PPP2R3A: variants seen among roughly 807,000 people sequenced by gnomAD.
PPP2R3A encodes the protein protein phosphatase 2 regulatory subunit B''alpha.
PPP2R3A carries 80 observed loss-of-function variants against 106.9 expected under a neutral mutation model. The observed-to-expected ratio is 0.75, with a 90% CI of 0.62 to 0.90. The LOEUF (loss-of-function observed/expected upper bound fraction) is 0.90, where lower values mean the gene tolerates loss of function less well. Ranked by LOEUF, PPP2R3A falls within the 40% of genes least tolerant of loss-of-function variation. PPP2R3A has a pLI of 0.00. For synonymous variants in PPP2R3A, 483 were observed against 468.3 expected, an observed-to-expected ratio of 1.03 and a Z score of -0.41; for missense variants, 1,386 against 1,350.4, an observed-to-expected ratio of 1.03 and a Z score of -0.41.
At chr3:136,065,268 TGTA>T (rs1936229073) in intron 5 of PPP2R3A, among the ~76,000 whole-genome samples, 2 of 152,152 alleles carry the variant, frequency 1.3e-5, no homozygotes, top group South Asian at 4.1e-4. Flanking sequence ...CTAATTATAA[TGTA>T]GTTTTTAATT....
chr3:136,079,759 T>C (rs1253209249), intron 7 of PPP2R3A, among the ~76,000 whole-genome samples: 1 of 151,980 alleles, frequency 6.6e-6, no homozygotes, highest in Non-Finnish European at 1.5e-5. Context: ...TTTTTTTTTT[T>C]TACCAGTGAT....
chr3:135,993,845 A>T (rs1338809717), intron 1 of PPP2R3A, among the ~76,000 whole-genome samples: 4 of 152,242 alleles, frequency 2.6e-5, no homozygotes. Context: ...AGAGAAAAGT[A>T]CATATGTAAT....
Position 136,078,435 on chromosome 3 carries a change from A to G in PPP2R3A, c.2613A>G (p.Arg871=). ...GAAAAATTACTTCGACAGAGATAAG[A>G]AAAAGCAACTTTTTGCAAGTATGCC... The part of the protein sequence containing the change: ...WSGKITSTEI[R]KSNFLQTLAL... Residue 871 remains arginine (R), a synonymous_variant, in exon 7 of 14, where the codon AGA becomes AGG. Transcript: ENST00000264977. 6.2e-7 allele frequency: 1 copy of G among 1,603,702 alleles called. No homozygotes were observed. Among genetic ancestry groups the G allele is most frequent in the Non-Finnish European group, 8.5e-7 (1 of 1,171,296 alleles).
At chr3:136,096,169 C>T (rs745332176) in intron 10 of PPP2R3A, among the ~76,000 whole-genome samples, 1 of 152,124 alleles carries the variant, frequency 6.6e-6, no homozygotes, top group African/African-American at 2.4e-5. Flanking sequence ...GTGCATGTGG[C>T]TTTCACCCCA....
chr3:136,029,081 G>T (rs545746520), intron 3 of PPP2R3A, among the ~76,000 whole-genome samples: 9 of 152,158 alleles, frequency 5.9e-5, no homozygotes, highest in Admixed American at 3.9e-4. Context: ...TCAAACTCCC[G>T]ACCTCAGGTT....
At chr3:136,003,972 A>G (rs757690638) in intron 2 of PPP2R3A, among the ~76,000 whole-genome samples, 1 of 152,216 alleles carries the variant, frequency 6.6e-6, no homozygotes, top group Non-Finnish European at 1.5e-5. Flanking sequence ...GAGAGAAGAC[A>G]TGATTCTTTA....
intron 7 of PPP2R3A, chr3:136,079,000 ATTG>A: frequency 3.8e-6 from 1 of 264,048 alleles, no homozygotes; most frequent in Non-Finnish European, 7.8e-6. Flanking sequence ...TTCATGCCTG[ATTG>A]TTTAAGCTTC....
At chr3:135,997,178 T>C (rs1246579638) in intron 1 of PPP2R3A, among the ~76,000 whole-genome samples, 2 of 152,158 alleles carry the variant, frequency 1.3e-5, no homozygotes, top group African/African-American at 2.4e-5. Flanking sequence ...AAAAAACTAA[T>C]GGAAAATCTA....
intron 13 of PPP2R3A, among the ~76,000 whole-genome samples, chr3:136,129,046 A>G (rs1357033298): frequency 1.3e-5 from 2 of 152,196 alleles, no homozygotes; most frequent in Admixed American, 6.5e-5. Context: ...TATAGCGCTA[A>G]ATGCCCACAA....
chr3:136,105,964 AG>A (rs1465664672), intron 12 of PPP2R3A, among the ~76,000 whole-genome samples: 3 of 152,132 alleles, frequency 2.0e-5, no homozygotes, highest in Non-Finnish European at 4.4e-5. Context: ...TATCTCAAAA[AG>A]AAAAAAAAAG....
At chr3:136,076,122 TGAAAA>T (rs1936585887) in intron 6 of PPP2R3A, among the ~76,000 whole-genome samples, 1 of 152,200 alleles carries the variant, frequency 6.6e-6, no homozygotes, top group Non-Finnish European at 1.5e-5. Context: ...GGTGAAAAGA[TGAAAA>T]GAAACCCAGC....
At chr3:135,992,776 C>A (rs185127422) in intron 1 of PPP2R3A, among the ~76,000 whole-genome samples, 2 of 151,956 alleles carry the variant, frequency 1.3e-5, no homozygotes, top group African/African-American at 4.8e-5. Context: ...TGAGAGGAAG[C>A]GCCAGATAAA....
At chr3:136,064,768 A>G (rs559582818) in intron 5 of PPP2R3A, among the ~76,000 whole-genome samples, 138 of 152,322 alleles carry the variant, frequency 9.1e-4, no homozygotes, top group African/African-American at 2.9e-3. Flanking sequence ...GTCAGAAACA[A>G]TCTCCTTTGA....
intron 10 of PPP2R3A, among the ~76,000 whole-genome samples, chr3:136,098,152 A>T (rs1937259165): frequency 6.6e-6 from 1 of 152,178 alleles, no homozygotes; most frequent in Non-Finnish European, 1.5e-5. Flanking sequence ...ATCTCTACAA[A>T]AAGTTTTTAA....
At chr3:136,066,803 C>T (rs1936273934) in intron 5 of PPP2R3A, among the ~76,000 whole-genome samples, 1 of 152,076 alleles carries the variant, frequency 6.6e-6, no homozygotes, top group African/African-American at 2.4e-5. Flanking sequence ...AGTCACCTTC[C>T]ACCAGGCCCC....
intron 3 of PPP2R3A, among the ~76,000 whole-genome samples, chr3:136,039,323 G>A (rs1418550004): frequency 1.3e-5 from 2 of 152,132 alleles, no homozygotes; most frequent in African/African-American, 2.4e-5. Flanking sequence ...TCCACATTTG[G>A]GATATGTTTT....
intron 1 of PPP2R3A, among the ~76,000 whole-genome samples, chr3:135,975,933 C>T (rs894589280): frequency 1.1e-4 from 17 of 152,176 alleles, no homozygotes; most frequent in African/African-American, 4.1e-4. Context: ...TTCATACCCT[C>T]ACCAATTTGT....
intron 13 of PPP2R3A, among the ~76,000 whole-genome samples, chr3:136,137,581 G>T: frequency 1.2e-5 from 1 of 86,780 alleles, no homozygotes; most frequent in Non-Finnish European, 2.5e-5. Flanking sequence ...TCGCTCTGTC[G>T]CCTAGGCTGG....
Position 136,102,068 on chromosome 3 carries a change from C to A in PPP2R3A, c.2989C>A (p.Leu997Met). Residue 997 changes from leucine to methionine, a missense_variant, in exon 11 of 14, where the codon CTG (leucine) becomes ATG (methionine). Physicochemically the swap from Leu to Met is conservative, Grantham distance 15. Transcript: ENST00000264977. ...DGDGVLSMYE[L>M]EYFYEEQCER... ...AGACGGTGTACTCTCCATGTATGAGCTGGAGTACTTCTATGAGGAGCAGTG... is the reference window on the plus strand; with the variant it reads ...AGACGGTGTACTCTCCATGTATGAGATGGAGTACTTCTATGAGGAGCAGTG... 6.2e-7 allele frequency: 1 copy of A among 1,614,008 alleles called. No individual in the cohort carries two copies. The highest frequency in any genetic ancestry group is 8.5e-7 in the Non-Finnish European group (1 of 1,179,974).
Sources: gnomAD v4.1 joint callset for allele counts (sites outside exome capture counted in the v4.1 genomes callset) on GRCh38, gnomAD v4.1.1 for gene constraint, MANE v1.5 for transcripts, NCBI Gene and HGNC (gene_info 2026-07-23, HGNC 2026-07-21) for gene names.